The following SLC4A5 variants were observed in gnomAD, a reference collection of about 807,000 sequenced individuals.
SLC4A5 encodes the protein solute carrier family 4 member 5.
SLC4A5 carries 96 observed loss-of-function variants against 120.4 expected under a neutral mutation model. The ratio of observed to expected loss-of-function variants is 0.80; its 90% CI spans 0.68 to 0.94. The LOEUF (loss-of-function observed/expected upper bound fraction) is 0.94. SLC4A5 is among the 40% of genes least tolerant of loss of function. SLC4A5 has a pLI of 0.00. For missense variants in SLC4A5, 1,259 were observed against 1,459.5 expected (o/e 0.86, Z 2.24); for synonymous variants, 550 against 571.1 (o/e 0.96, Z 0.53).
exon 15 of SLC4A5, chr2:74,253,096 A>G: frequency 6.2e-7 from 1 of 1,614,118 alleles, no homozygotes. Flanking sequence ...GATCTTCCCG[A>G]TTGCGGGCTT....
chr2:74,248,563 C>G (rs1274805051), intron 17 of SLC4A5, 77 bp from the exon 18 acceptor site: 1 of 1,546,406 alleles, frequency 6.5e-7, no homozygotes, highest in African/African-American at 1.4e-5. Flanking sequence ...CCCCAGCGAT[C>G]TCTCCACGGG....
intron 12 of SLC4A5, among the ~76,000 whole-genome samples, chr2:74,257,118 G>A (rs1199794656): frequency 2.6e-5 from 4 of 152,064 alleles, no homozygotes; most frequent in Non-Finnish European, 5.9e-5. Flanking sequence ...CTGCCATTTT[G>A]TCCCCACAGC....
In SLC4A5 at chr2:74,241,249, ATATTATTAT is replaced by A. The variant is rs145522219; in HGVS notation, c.2118+736_2118+744del. Among the ~76,000 whole-genome samples, 671 of 140,772 alleles carry A rather than the reference ATATTATTAT, an allele frequency of 4.8e-3. 2 individuals are homozygous for A. The highest frequency in any genetic ancestry group is 7.9e-3 in the Non-Finnish European group (516 of 65,528). The allele number at this position is 140,772 out of a possible 152,430, so 92.4% of individuals were successfully genotyped here. On this transcript the variant is annotated intron_variant, in intron 20 of 30. Transcript: ENST00000394019. Reference sequence around the variant, plus strand: ...CTTCCCCTTCCTTTGTGTGCGTGTCATATTATTATTATTATTATTATTATTATTATTATT... The same window carrying A: ...CTTCCCCTTCCTTTGTGTGCGTGTCATATTATTATTATTATTATTATTATT...
At chr2:74,221,339 G>T in intron 30 of SLC4A5, 95 bp downstream of exon 30, 2 of 914,324 alleles carry the variant, frequency 2.2e-6, no homozygotes, top group Non-Finnish European at 3.4e-6. Flanking sequence ...TCTACTGAGA[G>T]GACAGCTAGC....
chr2:74,242,022 G>A (rs1393975284), exon 20 of SLC4A5: 9 of 1,607,026 alleles, frequency 5.6e-6, no homozygotes, highest in South Asian at 2.2e-5. Flanking sequence ...TGGTGCCAAT[G>A]GGGCTGAAGC....
Position 74,285,831 on chromosome 2 carries a change from T to C in SLC4A5, c.343A>G (p.Thr115Ala), listed in dbSNP as rs766483519. ...TCATGCTGCAGAGTATCCATCTCTG[T>C]AAAGAGGGTGGGGTTGGGAGCCTCA... is the stretch of plus-strand genomic sequence containing the variant. Residue 115 changes from threonine to alanine, a missense_variant, in exon 8 of 31, where the codon ACA becomes GCA. Thr to Ala is a moderately conservative substitution (Grantham distance 58). Coordinates refer to ENST00000394019, the Ensembl canonical transcript of SLC4A5. 57 of 1,612,484 alleles carry C rather than the reference T, an allele frequency of 3.5e-5. No individual in the cohort carries two copies. Among genetic ancestry groups the C allele is most frequent in the Non-Finnish European group, 4.5e-5 (53 of 1,179,044 alleles).
intron 8 of SLC4A5, among the ~76,000 whole-genome samples, chr2:74,273,826 A>G (rs1671550961): frequency 6.6e-6 from 1 of 152,234 alleles, no homozygotes; most frequent in Admixed American, 6.5e-5. Context: ...AGTCTTTGAC[A>G]GAGGCACTAA....
intron 8 of SLC4A5, among the ~76,000 whole-genome samples, chr2:74,273,886 G>C (rs981915589): frequency 6.6e-6 from 1 of 152,188 alleles, no homozygotes; most frequent in East Asian, 1.9e-4. Flanking sequence ...ACCTGAGGCC[G>C]GGCCTGGTGG....
intron 25 of SLC4A5, among the ~76,000 whole-genome samples, chr2:74,230,256 G>A (rs929774733): frequency 6.6e-6 from 1 of 152,230 alleles, no homozygotes; most frequent in South Asian, 2.1e-4. Flanking sequence ...TCAAGGGAAA[G>A]GGAGAGTGAT....
chr2:74,273,192 G>T (rs913504057), intron 8 of SLC4A5, among the ~76,000 whole-genome samples: 5 of 152,212 alleles, frequency 3.3e-5, no homozygotes, highest in African/African-American at 1.2e-4. Flanking sequence ...AGTTAGATAA[G>T]AGTAAAATCT....
intron 26 of SLC4A5, 98 bp downstream of exon 26, chr2:74,227,712 G>A: frequency 8.2e-7 from 1 of 1,216,036 alleles, no homozygotes; most frequent in Non-Finnish European, 1.2e-6. Flanking sequence ...GGACAATTGG[G>A]GACAATTGGG....
intron 5 of SLC4A5, among the ~76,000 whole-genome samples, chr2:74,326,862 C>A (rs1405152921): frequency 6.6e-6 from 1 of 152,126 alleles, no homozygotes; most frequent in African/African-American, 2.4e-5. Context: ...TCCTAGCAAA[C>A]AGACACACAG....
At chr2:74,311,322 T>C (rs1369466873) in intron 6 of SLC4A5, among the ~76,000 whole-genome samples, 1 of 152,168 alleles carries the variant, frequency 6.6e-6, no homozygotes, top group Non-Finnish European at 1.5e-5. Context: ...TTTGGTATTA[T>C]CCCTTTTTTC....
At chr2:74,340,352 C>T (rs1299376506) in intron 2 of SLC4A5, among the ~76,000 whole-genome samples, 1 of 152,170 alleles carries the variant, frequency 6.6e-6, no homozygotes, top group Admixed American at 6.5e-5. Context: ...TTTTGTTCTC[C>T]AAATTCTGGC....
intron 5 of SLC4A5, among the ~76,000 whole-genome samples, chr2:74,318,190 G>C (rs879337208): frequency 6.6e-6 from 1 of 152,006 alleles, no homozygotes; most frequent in East Asian, 1.9e-4. Context: ...TAGAATCTGT[G>C]AGGAATTCAA....
intron 7 of SLC4A5, among the ~76,000 whole-genome samples, chr2:74,293,977 G>C (rs1672254167): frequency 6.6e-6 from 1 of 152,132 alleles, no homozygotes; most frequent in African/African-American, 2.4e-5. Flanking sequence ...AAAAAGGCAG[G>C]GCAGGCCTAA....
rs761383521 is a variant in SLC4A5 at position 74,255,839 on chromosome 2, C to T, written c.961G>A (p.Ala321Thr). The T allele has an allele frequency of 1.9e-6, 3 of 1,614,154 alleles. No individual in the cohort carries two copies. The highest frequency in any genetic ancestry group is 2.5e-6 in the Non-Finnish European group (3 of 1,180,026). ...GCCGACTGGATGAGGCGCACGAACG[C>T]GATGAATGGCTGGTCTAGGAAGTCC... is the stretch of plus-strand genomic sequence containing the variant. The change falls in exon 13 of 31, where the codon GCG (alanine) becomes ACG (threonine). Residue 321 changes from alanine (A) to threonine (T), a missense_variant. Transcript: ENST00000394019. The surrounding 1 kb of genome is among the most constrained non-coding windows in gnomAD (Gnocchi z 4.0).
rs116511178 is a variant in SLC4A5 at position 74,254,054 on chromosome 2, C to T, written c.1113+565G>A. Reference sequence around the variant, plus strand: ...GGGGAAAAGTTATCTCAGGGTAAAGCCTGCAGCCGCAAGCACCGCCAGTGA... The same window carrying T: ...GGGGAAAAGTTATCTCAGGGTAAAGTCTGCAGCCGCAAGCACCGCCAGTGA... On this transcript the variant is annotated intron_variant, in intron 14 of 30. Transcript: ENST00000394019. 3.2e-3 allele frequency among the ~76,000 whole-genome samples: 489 copies of T among 152,212 alleles called. 4 individuals carry two copies. The highest frequency in any genetic ancestry group is 0.011 in the African/African-American group (457 of 41,516).
exon 19 of SLC4A5, chr2:74,247,156 T>C (rs550088286): frequency 1.2e-6 from 2 of 1,614,212 alleles, no homozygotes; most frequent in African/African-American, 1.3e-5. Flanking sequence ...TAGATGAAGA[T>C]GAAGCTGATA....
Sources: gnomAD v4.1 joint callset for allele counts (sites outside exome capture counted in the v4.1 genomes callset) on GRCh38, gnomAD v4.1.1 for gene constraint, Gnocchi (gnomAD v3.1) non-coding constraint, MANE v1.5 for transcripts, NCBI Gene and HGNC (gene_info 2026-07-23, HGNC 2026-07-21) for gene names.